Variants in CNTNAP2 observed in about 807,000 individuals in gnomAD.
The protein encoded by CNTNAP2 is contactin-associated protein-like 2.
CNTNAP2 carries 98 observed loss-of-function variants against 155.2 expected under a neutral mutation model. The ratio of observed to expected loss-of-function variants is 0.63; its 90% CI spans 0.54 to 0.75. CNTNAP2 has a LOEUF of 0.75. Among genes scored for constraint, CNTNAP2 ranks in the 30% least tolerant of loss-of-function variants. The pLI is 0.00. For synonymous variants in CNTNAP2, 651 were observed against 631.2 expected, an observed-to-expected ratio of 1.03 and a Z score of -0.47; for missense variants, 1,727 against 1,688.1, an observed-to-expected ratio of 1.02 and a Z score of -0.40.
intron 1 of CNTNAP2, among the ~76,000 whole-genome samples, chr7:146,366,785 C>T (rs964990446): frequency 3.3e-5 from 5 of 152,126 alleles, no homozygotes; most frequent in African/African-American, 9.7e-5. Flanking sequence ...AGCTAAGATA[C>T]ACCCTTTTTT....
At chr7:148,293,161 C>G (rs571162990) in intron 21 of CNTNAP2, among the ~76,000 whole-genome samples, 7 of 152,220 alleles carry the variant, frequency 4.6e-5, no homozygotes, top group Admixed American at 2.6e-4. Context: ...CTTTGTAACT[C>G]TTCACCACCA....
At chr7:146,858,026 C>T (rs73740896) in intron 3 of CNTNAP2, among the ~76,000 whole-genome samples, 3,447 of 152,184 alleles carry the variant, frequency 0.023, 106 homozygotes, top group African/African-American at 0.072. Context: ...AGAAAGAAGA[C>T]GTGACATTAG....
intron 14 of CNTNAP2, among the ~76,000 whole-genome samples, chr7:147,908,991 G>T (rs1800014366): frequency 6.6e-6 from 1 of 152,114 alleles, no homozygotes; most frequent in Admixed American, 6.5e-5. Flanking sequence ...TTGGTAAATT[G>T]CTGTCATAAA....
chr7:146,396,041 T>C (rs796336469), intron 1 of CNTNAP2, among the ~76,000 whole-genome samples: 7 of 152,252 alleles, frequency 4.6e-5, no homozygotes, highest in African/African-American at 1.7e-4. Flanking sequence ...ACAGCATAAA[T>C]GCTCAATATC....
chr7:147,327,500 C>T (rs1304138939), intron 9 of CNTNAP2, among the ~76,000 whole-genome samples: 1 of 152,158 alleles, frequency 6.6e-6, no homozygotes. Context: ...ATTCCACAAA[C>T]ATCTTACGTT....
chr7:148,025,897 G>C (rs1318896955), intron 15 of CNTNAP2, among the ~76,000 whole-genome samples: 1 of 152,134 alleles, frequency 6.6e-6, no homozygotes, highest in African/African-American at 2.4e-5. Flanking sequence ...AATATATTAA[G>C]ATGCATATGT....
chr7:147,338,497 C>T (rs191232803), intron 9 of CNTNAP2, among the ~76,000 whole-genome samples: 2 of 151,918 alleles, frequency 1.3e-5, no homozygotes, highest in African/African-American at 4.8e-5. Context: ...AAGTAAATGC[C>T]CTGGTGATTG....
chr7:147,898,225 C>G (rs117121161), intron 13 of CNTNAP2, among the ~76,000 whole-genome samples: 1,987 of 152,324 alleles, frequency 0.013, 23 homozygotes, highest in Non-Finnish European at 0.02. Context: ...TCATTCATTA[C>G]ATTCATCCTG....
At chr7:146,570,042 T>G (rs1369811154) in intron 1 of CNTNAP2, among the ~76,000 whole-genome samples, 1 of 152,198 alleles carries the variant, frequency 6.6e-6, no homozygotes, top group Non-Finnish European at 1.5e-5. Context: ...CTCTACTGAT[T>G]TGCAAGGACA....
chr7:148,338,414 G>A (rs1404867612), intron 21 of CNTNAP2, among the ~76,000 whole-genome samples: 3 of 152,120 alleles, frequency 2.0e-5, no homozygotes, highest in Non-Finnish European at 4.4e-5. Context: ...AGAACAGAGC[G>A]CTTTACGAAA....
At chr7:148,297,824 C>A (rs1322303930) in intron 21 of CNTNAP2, among the ~76,000 whole-genome samples, 1 of 152,048 alleles carries the variant, frequency 6.6e-6, no homozygotes, top group African/African-American at 2.4e-5. Flanking sequence ...GTGACCTCTT[C>A]TTTGCCTTTC....
intron 2 of CNTNAP2, among the ~76,000 whole-genome samples, chr7:146,777,011 TAG>T (rs942012342): frequency 2.0e-5 from 3 of 152,104 alleles, no homozygotes; most frequent in Non-Finnish European, 4.4e-5. Context: ...GGTAGGTAGA[TAG>T]AGAGAAATAG....
intron 3 of CNTNAP2, among the ~76,000 whole-genome samples, chr7:146,860,053 G>A (rs980944229): frequency 2.6e-5 from 4 of 151,920 alleles, no homozygotes; most frequent in Admixed American, 2.0e-4. Context: ...TAAATAGAGT[G>A]GTAAAAACAG....
chr7:146,855,807 G>GTATA (rs367900395), intron 3 of CNTNAP2, among the ~76,000 whole-genome samples: 255 of 110,922 alleles, frequency 2.3e-3, no homozygotes, highest in East Asian at 3.4e-3. Context: ...GTGTTAATGA[G>GTATA]TATATATATA....
chr7:147,277,646 C>A (rs1204028293), intron 8 of CNTNAP2, among the ~76,000 whole-genome samples: 1 of 151,708 alleles, frequency 6.6e-6, no homozygotes, highest in African/African-American at 2.4e-5. Flanking sequence ...TGTGGGGATG[C>A]TGTACACTAG....
chr7:146,721,563 T>C (rs893356243), intron 1 of CNTNAP2, among the ~76,000 whole-genome samples: 1 of 113,550 alleles, frequency 8.8e-6, no homozygotes. Flanking sequence ...ATATACATTC[T>C]ATATATATTC....
In CNTNAP2 at chr7:147,548,201, A is replaced by G. The variant is rs1037122806; in HGVS notation, c.1778-13937A>G. 4.5e-4 allele frequency among the ~76,000 whole-genome samples: 69 copies of G among 152,334 alleles called. 1 individual carries two copies. The highest frequency in any genetic ancestry group is 1.6e-3 in the African/African-American group (66 of 41,588). On this transcript the variant is annotated intron_variant, in intron 11 of 23. Transcript: ENST00000361727. Reference sequence around the variant, plus strand: ...GCCACACTGTCTTCCACAAGGGTTGAACTAATTTTCATTCCTACCAACAGT... The same window carrying G: ...GCCACACTGTCTTCCACAAGGGTTGGACTAATTTTCATTCCTACCAACAGT...
chr7:146,906,046 G>A (rs1050842305), intron 3 of CNTNAP2, among the ~76,000 whole-genome samples: 6 of 152,184 alleles, frequency 3.9e-5, no homozygotes, highest in Admixed American at 6.5e-5. Flanking sequence ...GGTGACGGAC[G>A]CACCTGGAAA....
At chr7:148,147,087 T>C (rs1805197929) in intron 16 of CNTNAP2, among the ~76,000 whole-genome samples, 1 of 152,146 alleles carries the variant, frequency 6.6e-6, no homozygotes, top group Non-Finnish European at 1.5e-5. Context: ...GTAAATTGTA[T>C]GTGGAATTAG....
Sources: gnomAD v4.1 joint callset for allele counts (sites outside exome capture counted in the v4.1 genomes callset) on GRCh38, gnomAD v4.1.1 for gene constraint, MANE v1.5 for transcripts, NCBI Gene and HGNC (gene_info 2026-07-23, HGNC 2026-07-21) for gene names.